GRXCR2: variants seen among roughly 807,000 people sequenced by gnomAD.
The protein encoded by GRXCR2 is glutaredoxin domain-containing cysteine-rich protein 2.
Under a neutral mutation model 24.8 loss-of-function variants are expected in GRXCR2, and 23 were observed. The observed-to-expected ratio is 0.93, with a 90% CI of 0.67 to 1.32. The LOEUF is 1.32. Among genes scored for constraint, GRXCR2 ranks in the 40% most tolerant of loss-of-function variants. The pLI, the probability that GRXCR2 is intolerant of heterozygous loss-of-function variation, is 0.00. For missense variants in GRXCR2, 315 were observed against 303.4 expected, an observed-to-expected ratio of 1.04 and a Z score of -0.28; for synonymous variants, 130 against 116.1, an observed-to-expected ratio of 1.12 and a Z score of -0.77.
intron 2 of GRXCR2, among the ~76,000 whole-genome samples, chr5:145,895,376 G>C (rs916125524): frequency 9.9e-5 from 15 of 152,022 alleles, no homozygotes; most frequent in African/African-American, 3.6e-4. Flanking sequence ...GATTGTATAT[G>C]TAGAAAACCC....
chr5:145,886,947 G>C (rs1756787320), intron 2 of GRXCR2, among the ~76,000 whole-genome samples: 1 of 152,028 alleles, frequency 6.6e-6, no homozygotes, highest in African/African-American at 2.4e-5. Context: ...CTTTCTGTTA[G>C]AAGTATTTGA....
chr5:145,872,498 C>A (rs940719721), intron 1 of GRXCR2, 135 bp downstream of exon 1: 31 of 627,734 alleles, frequency 4.9e-5, no homozygotes, highest in Non-Finnish European at 8.0e-5. Context: ...ATAACAACTT[C>A]CCATTTGGTG....
chr5:145,890,058 C>A (rs1338281464), intron 2 of GRXCR2, among the ~76,000 whole-genome samples: 1 of 152,196 alleles, frequency 6.6e-6, no homozygotes, highest in East Asian at 1.9e-4. Context: ...CTAAACCAAT[C>A]TGACAAAAAT....
At chr5:145,906,990 A>G (rs1757097890) in intron 2 of GRXCR2, among the ~76,000 whole-genome samples, 1 of 152,144 alleles carries the variant, frequency 6.6e-6, no homozygotes, top group Non-Finnish European at 1.5e-5. Flanking sequence ...TGGAGAGGAA[A>G]AGCTTTCCAG....
intron 2 of GRXCR2, among the ~76,000 whole-genome samples, chr5:145,887,747 T>A (rs535361504): frequency 6.6e-6 from 1 of 152,340 alleles, no homozygotes; most frequent in African/African-American, 2.4e-5. Flanking sequence ...AAAGACATTT[T>A]GTACTTTGTC....
At chr5:145,872,059 C>A (rs1756539277) in intron 1 of GRXCR2, among the ~76,000 whole-genome samples, 1 of 152,192 alleles carries the variant, frequency 6.6e-6, no homozygotes, top group Non-Finnish European at 1.5e-5. Flanking sequence ...ACTTCTTCCT[C>A]ACATAACATA....
chr5:145,905,088 G>A (rs1428351278), intron 2 of GRXCR2, among the ~76,000 whole-genome samples: 2 of 152,184 alleles, frequency 1.3e-5, no homozygotes, highest in East Asian at 3.9e-4. Context: ...CGACCCAAGA[G>A]AGTGATTACC....
chr5:145,928,608 C>G (rs976683951), intron 2 of GRXCR2, among the ~76,000 whole-genome samples: 1 of 151,944 alleles, frequency 6.6e-6, no homozygotes, highest in African/African-American at 2.4e-5. Context: ...TTGTAGGACA[C>G]GGATGAAGCT....
At chr5:145,917,203 C>T (rs952677603) in intron 2 of GRXCR2, among the ~76,000 whole-genome samples, 2 of 151,946 alleles carry the variant, frequency 1.3e-5, no homozygotes, top group East Asian at 1.9e-4. Flanking sequence ...ACTCGCCCCC[C>T]GAGATTAATT....
intron 2 of GRXCR2, among the ~76,000 whole-genome samples, chr5:145,878,063 G>T (rs1431898380): frequency 6.6e-6 from 1 of 152,166 alleles, no homozygotes. Context: ...AAAGACCAAA[G>T]GTAGATAAAA....
At chr5:145,871,643 G>A (rs1005129112) in intron 1 of GRXCR2, among the ~76,000 whole-genome samples, 6 of 152,016 alleles carry the variant, frequency 3.9e-5, no homozygotes, top group East Asian at 1.9e-4. Context: ...TGTTATCTTC[G>A]GTAATTGTGA....
At chr5:145,906,971 T>C (rs1355141805) in intron 2 of GRXCR2, among the ~76,000 whole-genome samples, 1 of 152,034 alleles carries the variant, frequency 6.6e-6, no homozygotes, top group Non-Finnish European at 1.5e-5. Flanking sequence ...GGTGAGGGGG[T>C]CAGCCTTGTG....
chr5:145,860,351 T>C (rs751435402), intron 2 of GRXCR2, among the ~76,000 whole-genome samples: 1 of 152,208 alleles, frequency 6.6e-6, no homozygotes, highest in Non-Finnish European at 1.5e-5. Context: ...CCCAGTGAGA[T>C]AGTGTAAGTA....
upstream of GRXCR2, among the ~76,000 whole-genome samples, chr5:145,874,205 T>A (rs1436147853): frequency 7.9e-6 from 1 of 126,888 alleles, no homozygotes; most frequent in Non-Finnish European, 1.5e-5. Flanking sequence ...TATTATTTTA[T>A]TTTATTTTTT....
chr5:145,893,536 A>G (rs1178784206), intron 2 of GRXCR2, among the ~76,000 whole-genome samples: 3 of 152,234 alleles, frequency 2.0e-5, no homozygotes, highest in Non-Finnish European at 4.4e-5. Flanking sequence ...GAGACAAAGA[A>G]GGCCATTATA....
chr5:145,896,602 A>T (rs539363185), intron 2 of GRXCR2, among the ~76,000 whole-genome samples: 5 of 152,360 alleles, frequency 3.3e-5, no homozygotes, highest in African/African-American at 1.2e-4. Flanking sequence ...CACACCAGTT[A>T]GAATGGCAAA....
chr5:145,874,216 T>A (rs1035210581), upstream of GRXCR2, among the ~76,000 whole-genome samples: 8 of 147,604 alleles, frequency 5.4e-5, no homozygotes, highest in South Asian at 4.2e-4. Context: ...TTTATTTTTT[T>A]TTTTTTGAGA....
intron 2 of GRXCR2, among the ~76,000 whole-genome samples, chr5:145,860,212 C>T (rs1756312222): frequency 6.6e-6 from 1 of 152,156 alleles, no homozygotes; most frequent in Admixed American, 6.5e-5. Flanking sequence ...TCTGTAAGCT[C>T]CATAAAGGGC....
intron 2 of GRXCR2, among the ~76,000 whole-genome samples, chr5:145,914,728 C>T (rs752365312): frequency 4.9e-5 from 7 of 142,270 alleles, no homozygotes; most frequent in Non-Finnish European, 9.2e-5. Context: ...ACAATAAGCA[C>T]AGCAGATAAA....
Sources: allele counts gnomAD v4.1 joint callset (sites outside exome capture counted in the v4.1 genomes callset), GRCh38; gene constraint gnomAD v4.1.1; transcripts MANE v1.5; gene names NCBI Gene and HGNC (gene_info 2026-07-23, HGNC 2026-07-21).